TBC1D23: variants seen among roughly 807,000 people sequenced by gnomAD.
TBC1D23 encodes the protein TBC1 domain family member 23, also known as HCV non-structural protein 4A-transactivated protein 1.
TBC1D23 carries 55 observed loss-of-function variants against 91.4 expected under a neutral mutation model. The ratio of observed to expected loss-of-function variants is 0.60; its 90% CI spans 0.48 to 0.75. TBC1D23 has a LOEUF of 0.75. TBC1D23 is among the 30% of genes least tolerant of loss of function. TBC1D23 has a pLI of 0.00. For synonymous variants in TBC1D23, 289 were observed against 281.0 expected, an observed-to-expected ratio of 1.03 and a Z score of -0.28; for missense variants, 725 against 836.1, an observed-to-expected ratio of 0.87 and a Z score of 1.64.
At chr3:100,264,600 G>C (rs2067543338) in intron 1 of TBC1D23, among the ~76,000 whole-genome samples, 1 of 152,178 alleles carries the variant, frequency 6.6e-6, no homozygotes, top group South Asian at 2.1e-4. Flanking sequence ...TTGTTGCTAT[G>C]TTAAGTGACA....
At chr3:100,261,264 G>T in intron 1 of TBC1D23, 193 bp downstream of exon 1, 1 of 599,720 alleles carries the variant, frequency 1.7e-6, no homozygotes. Context: ...GGACTGGGGC[G>T]GGACTCCCAA....
At chr3:100,267,830 A>G (rs1452309694) in intron 1 of TBC1D23, among the ~76,000 whole-genome samples, 4 of 152,180 alleles carry the variant, frequency 2.6e-5, no homozygotes, top group Non-Finnish European at 5.9e-5. Context: ...TAATGCTTAT[A>G]TATATTAATA....
chr3:100,273,220 C>G (rs541625000), intron 1 of TBC1D23, among the ~76,000 whole-genome samples: 4 of 151,898 alleles, frequency 2.6e-5, no homozygotes, highest in South Asian at 2.1e-4. Context: ...TGACTGTTAA[C>G]GAGCATGCTG....
intron 14 of TBC1D23, among the ~76,000 whole-genome samples, chr3:100,311,580 A>G (rs1336484455): frequency 1.3e-5 from 2 of 152,198 alleles, no homozygotes; most frequent in Non-Finnish European, 2.9e-5. Context: ...TGTAGCATGA[A>G]CATTTACAAT....
intron 18 of TBC1D23, among the ~76,000 whole-genome samples, chr3:100,322,244 G>A (rs895447274): frequency 4.6e-5 from 7 of 151,992 alleles, no homozygotes; most frequent in African/African-American, 9.7e-5. Flanking sequence ...AGAGGCGCCC[G>A]CCACCATGCC....
intron 1 of TBC1D23, among the ~76,000 whole-genome samples, chr3:100,264,955 T>C (rs1379835588): frequency 6.6e-6 from 1 of 152,228 alleles, no homozygotes. Flanking sequence ...TGTTTCTGAC[T>C]AGCTGCTGGG....
chr3:100,297,175 C>T (rs1452182318), intron 8 of TBC1D23, among the ~76,000 whole-genome samples: 1 of 152,040 alleles, frequency 6.6e-6, no homozygotes, highest in Admixed American at 6.6e-5. Flanking sequence ...CATGAGAGCA[C>T]CTTTTTTTTT....
At chr3:100,319,670 C>T (rs1179830543) in intron 17 of TBC1D23, among the ~76,000 whole-genome samples, 2 of 152,050 alleles carry the variant, frequency 1.3e-5, no homozygotes, top group African/African-American at 2.4e-5. Context: ...TCAGGTGATC[C>T]GCCCACCTCG....
chr3:100,316,219 T>A, intron 16 of TBC1D23, 32 bp downstream of exon 16: 7 of 1,496,082 alleles, frequency 4.7e-6, no homozygotes, highest in Non-Finnish European at 6.5e-6. Flanking sequence ...CAGACAGCTT[T>A]GCTGTCATTA....
chr3:100,308,157 T>G (rs1205488899), intron 13 of TBC1D23, among the ~76,000 whole-genome samples: 1 of 152,230 alleles, frequency 6.6e-6, no homozygotes, highest in African/African-American at 2.4e-5. Context: ...CATAATTTTT[T>G]TTGTTGTTAA....
chr3:100,269,925 CT>C (rs1242894630), intron 1 of TBC1D23, among the ~76,000 whole-genome samples: 8 of 152,172 alleles, frequency 5.3e-5, no homozygotes, highest in Non-Finnish European at 7.4e-5. Flanking sequence ...TAGGTATTCA[CT>C]TTAGAGTTTT....
At chr3:100,294,794 C>A (rs1248257704) in intron 5 of TBC1D23, among the ~76,000 whole-genome samples, 1 of 152,058 alleles carries the variant, frequency 6.6e-6, no homozygotes, top group Admixed American at 6.5e-5. Context: ...TTTAGGTATT[C>A]TTTTCACAAT....
Position 100,298,023 on chromosome 3 carries a change from T to G in TBC1D23, c.977T>G (p.Leu326Arg). Residue 326 changes from leucine (L) to arginine (R), a missense_variant, in exon 9 of 19, where the codon CTT becomes CGT. By Grantham distance (102) the Leu-to-Arg change is moderately radical. Transcript: ENST00000394144. ...CTGGCCATCTCCGTGTCAGAGATCC[T>G]TCAAGCGAATCAGCTACAAGGGGTA... is the stretch of plus-strand genomic sequence containing the variant. Reference protein sequence around the residue: ...LCLAISVSEILQANQLQGEGV... With the variant: ...LCLAISVSEIRQANQLQGEGV... 6.2e-7 allele frequency: 1 copy of G among 1,613,662 alleles called. No homozygotes were observed. The highest frequency in any genetic ancestry group is 1.7e-5 in the Admixed American group (1 of 59,964).
In TBC1D23 at chr3:100,323,570, T is replaced by A. The variant is rs1705902523; in HGVS notation, c.2019-17T>A. 7 of 1,311,726 alleles carry A rather than the reference T, an allele frequency of 5.3e-6. No individual in the cohort carries two copies. The highest frequency in any genetic ancestry group is 7.0e-6 in the Non-Finnish European group (7 of 993,130). The allele number at this position is 1,311,726 out of a possible 1,614,324, so 81.3% of individuals were successfully genotyped here. A position where few individuals can be genotyped will look rare whatever the true frequency, so the allele number is the denominator to read the frequency against. ...GTATATATATATGTATATATATGTATTTTTTTTCCCCCTTAGGTATTTGAT... is the reference window on the plus strand; with the variant it reads ...GTATATATATATGTATATATATGTAATTTTTTTCCCCCTTAGGTATTTGAT... On this transcript the variant is annotated splice_polypyrimidine_tract_variant and intron_variant, in intron 18 of 18. Coordinates refer to ENST00000394144, the MANE Select transcript of TBC1D23 (RefSeq NM_001199198.3).
intron 16 of TBC1D23, among the ~76,000 whole-genome samples, chr3:100,317,204 T>C (rs183966092): frequency 4.2e-4 from 64 of 152,306 alleles, no homozygotes; most frequent in Middle Eastern, 6.8e-3. Context: ...TCATAACTAA[T>C]ATTGGTTAAT....
rs144258964 is a variant in TBC1D23, at chr3:100,312,001, C to T, written c.1598+124C>T. 3,572 of 645,132 alleles carry T rather than the reference C, an allele frequency of 5.5e-3. 14 individuals carry two copies. The highest frequency in any genetic ancestry group is 6.1e-3 in the South Asian group (316 of 51,858). The allele number at this position is 645,132 out of a possible 1,614,324, so 40.0% of individuals were successfully genotyped here. A position where few individuals can be genotyped will look rare whatever the true frequency, so the allele number is the denominator to read the frequency against. ...GCAGCTATTTCAAATGCTAAACTTT[C>T]CTCATTCTGCTTTTTAGGAGTGTGT... On this transcript the variant is annotated intron_variant, in intron 15 of 18. Transcript: ENST00000394144.
intron 1 of TBC1D23, among the ~76,000 whole-genome samples, chr3:100,266,930 T>C (rs2067562699): frequency 1.3e-5 from 2 of 152,166 alleles, no homozygotes; most frequent in Admixed American, 6.5e-5. Context: ...AAAAGCAAAA[T>C]AGAGTTTAGC....
chr3:100,319,718 G>A (rs573028638), intron 17 of TBC1D23, among the ~76,000 whole-genome samples: 20 of 152,218 alleles, frequency 1.3e-4, no homozygotes, highest in African/African-American at 4.3e-4. Flanking sequence ...GTGAGCCACC[G>A]TGGCCGGCCA....
Position 100,283,803 on chromosome 3 carries a change from C to T in TBC1D23, c.468C>T (p.Tyr156=). 1 of 1,600,806 alleles carries T rather than the reference C, an allele frequency of 6.2e-7. No individual in the cohort carries two copies. Among genetic ancestry groups the T allele is most frequent in the South Asian group, 1.1e-5 (1 of 90,724 alleles). Residue 156 remains tyrosine, a synonymous_variant, in exon 4 of 19, where the codon TAC becomes TAT. Transcript: ENST00000394144. ...YNCFYAIMNK[Y]IPRDCSQKGR... is the part of the protein sequence containing the mutation. ...GCTTTTATGCCATAATGAATAAGTA[C>T]ATTCCCAGGTAAAATATGATTCAGT...
Sources: allele counts gnomAD v4.1 joint callset (sites outside exome capture counted in the v4.1 genomes callset), GRCh38; gene constraint gnomAD v4.1.1; transcripts MANE v1.5; gene names NCBI Gene and HGNC (gene_info 2026-07-23, HGNC 2026-07-21).